HIGD1C: variants seen among roughly 807,000 people sequenced by gnomAD.
The protein encoded by HIGD1C is HIG1 domain family member 1C.
Under a neutral mutation model 13.1 loss-of-function variants are expected in HIGD1C, and 11 were observed. The ratio of observed to expected loss-of-function variants is 0.84; its 90% CI spans 0.53 to 1.39. The LOEUF (loss-of-function observed/expected upper bound fraction) is 1.39. HIGD1C is among the 40% of genes most tolerant of loss of function. HIGD1C has a pLI of 0.00. For synonymous variants in HIGD1C, 36 were observed against 37.7 expected (o/e 0.95, Z 0.17); for missense variants, 110 against 112.0 (o/e 0.98, Z 0.08).
chr12:50,965,216 C>T (rs959655319), intron 2 of HIGD1C, among the ~76,000 whole-genome samples: 9 of 152,004 alleles, frequency 5.9e-5, no homozygotes, highest in Non-Finnish European at 1.2e-4. Context: ...TGGGTTCAAG[C>T]AATCCACCCA....
At chr12:50,939,154 T>C in the HIGD1C span, among the ~76,000 whole-genome samples, 2 of 152,178 alleles carry the variant, frequency 1.3e-5, no homozygotes, top group African/African-American at 4.8e-5. Flanking sequence ...TTTATTTGTA[T>C]TTATTTATTT....
upstream of HIGD1C, among the ~76,000 whole-genome samples, chr12:50,950,464 G>C (rs929959492): frequency 3.3e-5 from 5 of 152,072 alleles, no homozygotes; most frequent in African/African-American, 1.2e-4. Flanking sequence ...ATTAAATAGA[G>C]AAGAAAGAAA....
chr12:50,966,060 T>C (rs1939530553), intron 2 of HIGD1C, among the ~76,000 whole-genome samples: 1 of 152,238 alleles, frequency 6.6e-6, no homozygotes, highest in African/African-American at 2.4e-5. Context: ...AAGATCTCTG[T>C]GGCTTACTTA....
At chr12:50,968,092 TAAG>T (rs143418482) in intron 2 of HIGD1C, among the ~76,000 whole-genome samples, 4,258 of 146,358 alleles carry the variant, frequency 0.029, 204 homozygotes, top group African/African-American at 0.1. Flanking sequence ...TCTCAAATAA[TAAG>T]AAGAAGAAGG....
chr12:50,947,390 T>C, the HIGD1C span, among the ~76,000 whole-genome samples: 1 of 152,194 alleles, frequency 6.6e-6, no homozygotes, highest in Admixed American at 6.5e-5. Context: ...AGAATCTATT[T>C]CCTTTTCCAG....
intron 1 of HIGD1C, among the ~76,000 whole-genome samples, chr12:50,959,913 G>T (rs1326150799): frequency 2.6e-5 from 4 of 152,140 alleles, no homozygotes; most frequent in Non-Finnish European, 5.9e-5. Context: ...ACCTCCCAAA[G>T]TGCTGGGATT....
the HIGD1C span, chr12:50,932,641 G>A: frequency 1.3e-5 from 2 of 152,068 alleles, no homozygotes; most frequent in Admixed American, 6.6e-5. Context: ...TATAAACACA[G>A]CCAATAGATT....
chr12:50,956,974 CCAT>C (rs1393725967), intron 1 of HIGD1C, among the ~76,000 whole-genome samples: 1 of 150,398 alleles, frequency 6.6e-6, no homozygotes, highest in Non-Finnish European at 1.5e-5. Context: ...CATATGTCTA[CCAT>C]CATCATTTTG....
chr12:50,948,706 A>G, the HIGD1C span, among the ~76,000 whole-genome samples: 1 of 149,156 alleles, frequency 6.7e-6, no homozygotes, highest in South Asian at 2.2e-4. Context: ...TGTCTCTACT[A>G]AAAATACAAA....
chr12:50,959,774 A>G (rs1284788505), intron 1 of HIGD1C, among the ~76,000 whole-genome samples: 2 of 152,026 alleles, frequency 1.3e-5, no homozygotes, highest in Non-Finnish European at 2.9e-5. Flanking sequence ...CAGCCTCCCA[A>G]GTAGCTGGGA....
chr12:50,951,689 G>A (rs1159456570), upstream of HIGD1C, among the ~76,000 whole-genome samples: 2 of 152,022 alleles, frequency 1.3e-5, no homozygotes, highest in African/African-American at 4.8e-5. Flanking sequence ...GGAGGCCAAG[G>A]TGGGTGGATC....
At chr12:50,968,979 G>A (rs536117128) in intron 2 of HIGD1C, among the ~76,000 whole-genome samples, 7 of 151,790 alleles carry the variant, frequency 4.6e-5, no homozygotes, top group Non-Finnish European at 8.8e-5. Flanking sequence ...ACCACGCACC[G>A]CATTTATATT....
intron 2 of HIGD1C, among the ~76,000 whole-genome samples, chr12:50,964,444 G>A (rs1939465322): frequency 6.6e-6 from 1 of 152,208 alleles, no homozygotes; most frequent in Non-Finnish European, 1.5e-5. Context: ...GGACATGGGA[G>A]TACCAAGAAG....
At chr12:50,939,760 C>T in the HIGD1C span, among the ~76,000 whole-genome samples, 1 of 152,274 alleles carries the variant, frequency 6.6e-6, no homozygotes, top group South Asian at 2.1e-4. Flanking sequence ...ATAAAACTGC[C>T]AGTGTTGAGC....
intron 1 of HIGD1C, 105 bp from the exon 4 acceptor site, chr12:50,960,863 A>C: frequency 1.1e-6 from 1 of 890,614 alleles, no homozygotes; most frequent in Non-Finnish European, 1.6e-6. Context: ...TTTTTTTTTT[A>C]GAGATGGGGT....
At chr12:50,956,208 G>A (rs764813908) in intron 1 of HIGD1C, among the ~76,000 whole-genome samples, 8 of 152,158 alleles carry the variant, frequency 5.3e-5, no homozygotes, top group African/African-American at 1.2e-4. Flanking sequence ...CCTGGCTAAT[G>A]TGGTGAAACC....
At chr12:50,951,116 T>C (rs1938885837), upstream of HIGD1C, among the ~76,000 whole-genome samples, 1 of 152,168 alleles carries the variant, frequency 6.6e-6, no homozygotes, top group Admixed American at 6.6e-5. Flanking sequence ...AGGATATTTG[T>C]ATAATATTAA....
chr12:50,968,088 ATAAT>A (rs1008300199), intron 2 of HIGD1C, among the ~76,000 whole-genome samples: 12 of 142,990 alleles, frequency 8.4e-5, no homozygotes, highest in Non-Finnish European at 1.5e-4. Context: ...ATTGTCTCAA[ATAAT>A]AAGAAGAAGA....
chr12:50,939,343 T>G, the HIGD1C span, among the ~76,000 whole-genome samples: 1 of 152,180 alleles, frequency 6.6e-6, no homozygotes. Flanking sequence ...AGACGGGGTT[T>G]TGCCATGTTA....
Sources: gnomAD v4.1 joint callset for allele counts (sites outside exome capture counted in the v4.1 genomes callset) on GRCh38, gnomAD v4.1.1 for gene constraint, MANE v1.5 for transcripts, NCBI Gene and HGNC (gene_info 2026-07-23, HGNC 2026-07-21) for gene names.